Variants in RTN1 observed in about 807,000 individuals in gnomAD.
RTN1 encodes the protein reticulon 1, also known as reticulon-1.
In RTN1, 25 loss-of-function variants were observed where a neutral mutation model predicts 65.5. The ratio of observed to expected loss-of-function variants is 0.38; its 90% confidence interval spans 0.28 to 0.53. The LOEUF (loss-of-function observed/expected upper bound fraction) is 0.53, where lower values mean the gene tolerates loss of function less well. RTN1 is among the 20% of genes least tolerant of loss of function. The probability of loss-of-function intolerance (pLI) is 0.79; values close to 1 mark genes in which losing one functional copy is unlikely to be tolerated. For missense variants in RTN1, 983 were observed against 1,025.4 expected (o/e 0.96, Z 0.57); for synonymous variants, 471 against 447.6 (o/e 1.05, Z -0.66).
chr14:59,802,428 G>A (rs899608949), intron 1 of RTN1, among the ~76,000 whole-genome samples: 1 of 152,146 alleles, frequency 6.6e-6, no homozygotes, highest in Non-Finnish European at 1.5e-5. Flanking sequence ...TTAAACAGTG[G>A]GGGGATGTGA....
intron 1 of RTN1, among the ~76,000 whole-genome samples, chr14:59,807,719 GA>G (rs1451394656): frequency 6.6e-6 from 1 of 152,138 alleles, no homozygotes; most frequent in Non-Finnish European, 1.5e-5. Flanking sequence ...ATTTTAACTG[GA>G]AAATGTAACT....
chr14:59,669,203 C>T (rs557200104), intron 3 of RTN1, among the ~76,000 whole-genome samples: 1 of 152,252 alleles, frequency 6.6e-6, no homozygotes, highest in South Asian at 2.1e-4. Context: ...TTGGAACCAA[C>T]CCAAATGTCC....
chr14:59,785,095 C>T (rs187086797), intron 1 of RTN1, among the ~76,000 whole-genome samples: 10 of 152,316 alleles, frequency 6.6e-5, no homozygotes, highest in Admixed American at 1.3e-4. Flanking sequence ...ATAAATCCCA[C>T]AGTAGTTGCT....
At position 59,793,701 on chromosome 14, in the gene RTN1, T is replaced by C. The variant is rs114186911; in HGVS notation, c.242-47220A>G. On this transcript the variant is annotated intron_variant, in intron 1 of 8. Transcript: ENST00000267484. Reference sequence around the variant, plus strand: ...TGATGAGAACAAAAAGCTACCCAGATACACATTCTTTTTCCTTTATTCCTT... The same window carrying C: ...TGATGAGAACAAAAAGCTACCCAGACACACATTCTTTTTCCTTTATTCCTT... 8.5e-3 allele frequency among the ~76,000 whole-genome samples: 1,285 copies of C among 151,460 alleles called. 12 individuals carry two copies. The highest frequency in any genetic ancestry group is 0.03 in the African/African-American group (1,221 of 41,226).
intron 1 of RTN1, among the ~76,000 whole-genome samples, chr14:59,750,943 C>T (rs1209015814): frequency 6.6e-6 from 1 of 150,510 alleles, no homozygotes; most frequent in Non-Finnish European, 1.5e-5. Context: ...GTCTTGAACT[C>T]CTGGGCTCAA....
At position 59,603,033 on chromosome 14, in the gene RTN1, TCTCCTTTTATGCATTGCA is replaced by T; in HGVS notation, c.2288+14_2288+31del. 2 of 1,585,038 alleles carry T rather than the reference TCTCCTTTTATGCATTGCA, an allele frequency of 1.3e-6. No individual in the cohort carries two copies. Among genetic ancestry groups the T allele is most frequent in the South Asian group, 2.2e-5 (2 of 89,380 alleles). ...ACTCAAATGCTGATGTAAGAGAGTCTCTCCTTTTATGCATTGCACTATGTGACTTACTTTGCCACAACA... is the reference window on the plus strand; with the variant it reads ...ACTCAAATGCTGATGTAAGAGAGTCTCTATGTGACTTACTTTGCCACAACA... On this transcript the variant is annotated intron_variant, in intron 8 of 8. Coordinates refer to ENST00000267484, the MANE Select transcript of RTN1 (RefSeq NM_021136.3).
At chr14:59,751,874 G>A (rs1309536048) in intron 1 of RTN1, among the ~76,000 whole-genome samples, 3 of 152,114 alleles carry the variant, frequency 2.0e-5, no homozygotes, top group Non-Finnish European at 4.4e-5. Context: ...TCTGTAGCCT[G>A]GCATTTGAGA....
chr14:59,784,032 A>G (rs1376398389), intron 1 of RTN1, among the ~76,000 whole-genome samples: 1 of 151,356 alleles, frequency 6.6e-6, no homozygotes, highest in Non-Finnish European at 1.5e-5. Flanking sequence ...CTGCAGATTG[A>G]CTCTTCATAT....
intron 1 of RTN1, among the ~76,000 whole-genome samples, chr14:59,818,712 C>G (rs980834548): frequency 1.3e-5 from 2 of 152,170 alleles, no homozygotes; most frequent in Admixed American, 1.3e-4. Context: ...AAAGGTAGCT[C>G]TCTTTTAACT....
intron 1 of RTN1, among the ~76,000 whole-genome samples, chr14:59,819,961 C>T (rs1235441892): frequency 6.6e-6 from 1 of 152,210 alleles, no homozygotes; most frequent in Non-Finnish European, 1.5e-5. Context: ...GGAGCCGGCT[C>T]TGGCCTTGGC....
chr14:59,709,942 G>A (rs1360652581), intron 3 of RTN1, among the ~76,000 whole-genome samples: 1 of 151,744 alleles, frequency 6.6e-6, no homozygotes, highest in Non-Finnish European at 1.5e-5. Flanking sequence ...TAACCATAGG[G>A]CTGAACACCT....
At chr14:59,758,486 A>T (rs974294220) in intron 1 of RTN1, among the ~76,000 whole-genome samples, 8 of 152,134 alleles carry the variant, frequency 5.3e-5, no homozygotes, top group Non-Finnish European at 7.4e-5. Context: ...AAGATTTTCT[A>T]CTTCTGTGCC....
intron 3 of RTN1, among the ~76,000 whole-genome samples, chr14:59,636,322 G>A (rs901418209): frequency 6.6e-6 from 1 of 152,040 alleles, no homozygotes; most frequent in Non-Finnish European, 1.5e-5. Context: ...ATGAGGTGTG[G>A]TTGTTTAAGA....
chr14:59,766,370 A>G lies in RTN1; in HGVS notation c.242-19889T>C, dbSNP rs1179026329. On this transcript the variant is annotated intron_variant, in intron 1 of 8. Coordinates refer to ENST00000267484, the MANE Select transcript of RTN1 (RefSeq NM_021136.3). The surrounding 1 kb of genome is among the most constrained non-coding windows in gnomAD (Gnocchi z 4.4). ...TTTCCTGTCCTAAGTGTGTAGAAAC[A>G]GGCCAGAGTCAAGGTATACTTTCTA... Among the ~76,000 whole-genome samples, 1 of 152,234 alleles carries G rather than the reference A, an allele frequency of 6.6e-6. No individual in the cohort carries two copies. The highest frequency in any genetic ancestry group is 1.5e-5 in the Non-Finnish European group (1 of 68,040).
chr14:59,755,795 T>C (rs1260292542), intron 1 of RTN1, among the ~76,000 whole-genome samples: 1 of 152,184 alleles, frequency 6.6e-6, no homozygotes, highest in Non-Finnish European at 1.5e-5. Context: ...TTTATCTGTA[T>C]GGTTAGTTAA....
intron 1 of RTN1, among the ~76,000 whole-genome samples, chr14:59,761,254 C>A (rs189431428): frequency 6.6e-6 from 1 of 152,320 alleles, no homozygotes; most frequent in East Asian, 1.9e-4. Context: ...ACCCAAATCT[C>A]ACCTTGAATT....
intron 3 of RTN1, among the ~76,000 whole-genome samples, chr14:59,665,615 C>G (rs1216032493): frequency 6.6e-6 from 1 of 152,124 alleles, no homozygotes; most frequent in Non-Finnish European, 1.5e-5. Context: ...TGTAAATGGG[C>G]TAAATGCCCC....
intron 3 of RTN1, among the ~76,000 whole-genome samples, chr14:59,713,952 T>A (rs1341979652): frequency 6.6e-6 from 1 of 152,130 alleles, no homozygotes; most frequent in Non-Finnish European, 1.5e-5. Flanking sequence ...ATTAGACTAA[T>A]AGGCCGGGTG....
At chr14:59,788,245 G>C (rs1044989966) in intron 1 of RTN1, among the ~76,000 whole-genome samples, 1 of 152,230 alleles carries the variant, frequency 6.6e-6, no homozygotes, top group Non-Finnish European at 1.5e-5. Context: ...CAATGGGGCT[G>C]CTGAACTGAA....
Sources: gnomAD v4.1 joint callset for allele counts (sites outside exome capture counted in the v4.1 genomes callset) on GRCh38, gnomAD v4.1.1 for gene constraint, Gnocchi (gnomAD v3.1) non-coding constraint, MANE v1.5 for transcripts, NCBI Gene and HGNC (gene_info 2026-07-23, HGNC 2026-07-21) for gene names.